The following PECAM1 variants were observed in gnomAD, a reference collection of about 807,000 sequenced individuals.
The protein encoded by PECAM1 is platelet and endothelial cell adhesion molecule 1, also known as platelet endothelial cell adhesion molecule.
A neutral mutation model predicts 13.8 loss-of-function variants in PECAM1; 8 were observed. The ratio of observed to expected loss-of-function variants is 0.58; its 90% CI spans 0.34 to 1.05. The LOEUF is 1.05. Ranked by LOEUF, PECAM1 falls within the 50% of genes least tolerant of loss-of-function variation. PECAM1 has a pLI of 0.03. For missense variants in PECAM1, 304 were observed against 141.2 expected, an observed-to-expected ratio of 2.15 and a Z score of -5.84; for synonymous variants, 136 against 52.6, an observed-to-expected ratio of 2.58 and a Z score of -6.86.
Position 64,322,100 on chromosome 17 carries a change from T to A in PECAM1, c.*1716A>T. The A allele has an allele frequency of 9.1e-7, 1 of 1,101,550 alleles. No homozygotes were observed. 68.2% of individuals were successfully genotyped at this position (1,101,550 alleles called of 1,614,324 possible). On this transcript the variant is annotated 3_prime_UTR_variant, in exon 16 of 16. Coordinates refer to ENST00000563924, the MANE Select transcript of PECAM1 (RefSeq NM_000442.5). Reference sequence around the variant, plus strand: ...TCAAAAGAGTCTAGGCTGGGCATGGTGGCTCACGCCTGCAATCCCAACCCA... The same window carrying A: ...TCAAAAGAGTCTAGGCTGGGCATGGAGGCTCACGCCTGCAATCCCAACCCA...
intron 13 of PECAM1, among the ~76,000 whole-genome samples, chr17:64,344,182 G>A (rs1310836659): frequency 6.6e-6 from 1 of 151,766 alleles, no homozygotes; most frequent in African/African-American, 2.4e-5. Flanking sequence ...TTGGTGTTTG[G>A]GCCTGGGGGT....
intron 13 of PECAM1, among the ~76,000 whole-genome samples, chr17:64,342,458 G>A (rs2035458363): frequency 6.6e-6 from 1 of 152,194 alleles, no homozygotes; most frequent in Non-Finnish European, 1.5e-5. Flanking sequence ...AGATCCTGAG[G>A]TCTGGGTTAG....
At chr17:64,336,570 T>A (rs976845756) in intron 14 of PECAM1, among the ~76,000 whole-genome samples, 8 of 152,176 alleles carry the variant, frequency 5.3e-5, no homozygotes, top group Non-Finnish European at 8.8e-5. Flanking sequence ...ATGCCTGCTC[T>A]TTAGCAACCA....
At chr17:64,335,691 A>G (rs1443751868) in intron 14 of PECAM1, among the ~76,000 whole-genome samples, 2 of 152,212 alleles carry the variant, frequency 1.3e-5, no homozygotes, top group African/African-American at 4.8e-5. Flanking sequence ...AGCAAGAATA[A>G]TAATAGAACC....
At chr17:64,354,019 A>C (rs1392405849) in intron 9 of PECAM1, among the ~76,000 whole-genome samples, 2 of 150,160 alleles carry the variant, frequency 1.3e-5, no homozygotes, top group Non-Finnish European at 2.9e-5. Context: ...GGCTCACTGT[A>C]ACCTCTGCCT....
intron 14 of PECAM1, among the ~76,000 whole-genome samples, chr17:64,337,721 C>T (rs2035318126): frequency 6.6e-6 from 1 of 152,064 alleles, no homozygotes; most frequent in Non-Finnish European, 1.5e-5. Flanking sequence ...ACTGAGTAAT[C>T]TAGAACCAAC....
intron 14 of PECAM1, among the ~76,000 whole-genome samples, chr17:64,340,321 ATATT>A (rs1168671554): frequency 4.6e-5 from 7 of 152,146 alleles, no homozygotes; most frequent in Non-Finnish European, 1.0e-4. Context: ...TCATCCTTTT[ATATT>A]TATTTATTTA....
At chr17:64,357,675 T>C (rs1470173005) in intron 7 of PECAM1, among the ~76,000 whole-genome samples, 5 of 152,170 alleles carry the variant, frequency 3.3e-5, no homozygotes, top group Admixed American at 2.6e-4. Flanking sequence ...TAAGCCTCAG[T>C]TACGTCATGA....
At chr17:64,364,308 G>A (rs2036052594) in intron 5 of PECAM1, among the ~76,000 whole-genome samples, 2 of 152,026 alleles carry the variant, frequency 1.3e-5, no homozygotes, top group Non-Finnish European at 2.9e-5. Flanking sequence ...CCAATAACGG[G>A]ATCTGAAATT....
At chr17:64,353,248 T>G (rs2035768010) in intron 10 of PECAM1, among the ~76,000 whole-genome samples, 1 of 151,784 alleles carries the variant, frequency 6.6e-6, no homozygotes, top group Admixed American at 6.6e-5. Context: ...AAGGACATGA[T>G]CTCAGAATAA....
intron 6 of PECAM1, 53 bp from the exon 7 acceptor site, chr17:64,360,468 T>A: frequency 2.1e-6 from 1 of 465,940 alleles, no homozygotes; most frequent in Non-Finnish European, 3.9e-6. Context: ...AAGCAAAGCA[T>A]CCAGCACAAG....
At chr17:64,390,537 T>C (rs940921910) in intron 1 of PECAM1, 22 bp from the exon 2 acceptor site, 2 of 474,070 alleles carry the variant, frequency 4.2e-6, no homozygotes, top group Admixed American at 3.2e-5. Context: ...ATAAGAAACA[T>C]GTTGATTCCA....
Position 64,366,881 on chromosome 17 carries a change from G to A in PECAM1, c.967+2869C>T, listed in dbSNP as rs775613136. ...GGAGATATACCTAATGCTAAATGACGAGTTAATGGGTGCGGTACACCAGCA... is the reference window on the plus strand; with the variant it reads ...GGAGATATACCTAATGCTAAATGACAAGTTAATGGGTGCGGTACACCAGCA... On this transcript the variant is annotated intron_variant, in intron 5 of 15. Coordinates refer to ENST00000563924, the MANE Select transcript of PECAM1 (RefSeq NM_000442.5). 5.4e-5 allele frequency among the ~76,000 whole-genome samples: 8 copies of A among 149,122 alleles called. No individual in the cohort carries two copies. The South Asian group carries it at 1.5e-3, about 28-fold the overall frequency.
In PECAM1 at chr17:64,323,164, T is replaced by C. The variant is rs2034848649; in HGVS notation, c.*652A>G. On this transcript the variant is annotated 3_prime_UTR_variant, in exon 16 of 16. Transcript: ENST00000563924. ...TGTAGACAAAAACAGTTGAAGAACA[T>C]CTGTGCTTGTTCCACCTTCATTTTC... The C allele has an allele frequency of 2.0e-6, 2 of 985,842 alleles. No individual in the cohort carries two copies. Among genetic ancestry groups the C allele is most frequent in the Non-Finnish European group, 2.4e-6 (2 of 830,516 alleles). 61.1% of individuals were successfully genotyped at this position (985,842 alleles called of 1,614,324 possible).
rs184001347 is a variant in PECAM1 at position 64,322,599 on chromosome 17, C to T, written c.*1217G>A. Reference sequence around the variant, plus strand: ...AACAGGAAAAGTGATTTTGGCTAGGCGTGGTTCTCATCTGTGAAATTCCAC... The same window carrying T: ...AACAGGAAAAGTGATTTTGGCTAGGTGTGGTTCTCATCTGTGAAATTCCAC... On this transcript the variant is annotated 3_prime_UTR_variant, in exon 16 of 16. Transcript: ENST00000563924. 3.9e-4 allele frequency: 386 copies of T among 985,400 alleles called. No homozygotes were observed. The African/African-American group carries it at 6.0e-3, about 15-fold the overall frequency. The allele number at this position is 985,400 out of a possible 1,614,324, so 61.0% of individuals were successfully genotyped here.
chr17:64,340,872 C>A (rs1036276418), intron 14 of PECAM1, among the ~76,000 whole-genome samples: 1 of 152,080 alleles, frequency 6.6e-6, no homozygotes, highest in Non-Finnish European at 1.5e-5. Context: ...CCGAGGCGCG[C>A]GGATTACCTG....
intron 5 of PECAM1, among the ~76,000 whole-genome samples, chr17:64,367,618 T>C (rs1036761605): frequency 3.4e-4 from 52 of 151,824 alleles, no homozygotes; most frequent in Admixed American, 1.9e-3. Context: ...GAAAGGCCTG[T>C]TGGAGAAAGT....
intron 6 of PECAM1, among the ~76,000 whole-genome samples, chr17:64,360,618 G>GTGTGTGTGTGT (rs879077732): frequency 1.4e-5 from 2 of 147,448 alleles, no homozygotes; most frequent in Non-Finnish European, 3.0e-5. Context: ...GTGTGTGTGT[G>GTGTGTGTGTGT]GTGAGAAGGG....
chr17:64,341,924 C>A (rs1406791171), intron 13 of PECAM1, among the ~76,000 whole-genome samples: 2 of 152,028 alleles, frequency 1.3e-5, no homozygotes, highest in African/African-American at 2.4e-5. Context: ...GTGAGGGGGG[C>A]AGATCACTTG....
Sources: allele counts gnomAD v4.1 joint callset (sites outside exome capture counted in the v4.1 genomes callset), GRCh38; gene constraint gnomAD v4.1.1; transcripts MANE v1.5; gene names NCBI Gene and HGNC (gene_info 2026-07-23, HGNC 2026-07-21).